The following INPP5A variants were observed in gnomAD, a reference collection of about 807,000 sequenced individuals.
The protein encoded by INPP5A is inositol polyphosphate-5-phosphatase A.
In INPP5A, 14 loss-of-function variants were observed where a neutral mutation model predicts 65.2. That is an observed-to-expected ratio of 0.21 (90% CI 0.14 to 0.34). INPP5A has a LOEUF of 0.34. Ranked by LOEUF, INPP5A falls within the 10% of genes least tolerant of loss-of-function variation. The pLI is 1.00. For synonymous variants in INPP5A, 207 were observed against 208.3 expected, an observed-to-expected ratio of 0.99 and a Z score of 0.05; for missense variants, 431 against 545.6, an observed-to-expected ratio of 0.79 and a Z score of 2.09.
chr10:132,666,915 G>A (rs1011242012), intron 4 of INPP5A, among the ~76,000 whole-genome samples: 13 of 152,206 alleles, frequency 8.5e-5, no homozygotes, highest in African/African-American at 2.7e-4. Flanking sequence ...TGTGTACTGA[G>A]TGTGCTGGGA....
At position 132,650,314 on chromosome 10, in the gene INPP5A, T is replaced by G; in HGVS notation, c.219-104T>G. 1 of 763,980 alleles carries G rather than the reference T, an allele frequency of 1.3e-6. No homozygotes were observed. The highest frequency in any genetic ancestry group is 2.3e-6 in the Non-Finnish European group (1 of 429,126). 47.3% of individuals were successfully genotyped at this position (763,980 alleles called of 1,614,324 possible). A position where few individuals can be genotyped will look rare whatever the true frequency, so the allele number is the denominator to read the frequency against. On this transcript the variant is annotated intron_variant, in intron 3 of 15. Transcript: ENST00000368594. This position sits in a 1 kb window ranked among gnomAD's most constrained non-coding sequence, Gnocchi z 5.5. ...CTGTCACGGGTGGATGGTCTCACGG[T>G]GATGTACCTATGTGCTGGAGCCCCT...
intron 2 of INPP5A, among the ~76,000 whole-genome samples, chr10:132,619,097 C>T (rs904908752): frequency 3.9e-5 from 6 of 152,222 alleles, no homozygotes; most frequent in Admixed American, 2.0e-4. Flanking sequence ...TCTTGACTCA[C>T]CTCAGAAGTC....
chr10:132,538,033 C>A lies in INPP5A; in HGVS notation c.-64C>A. On this transcript the variant is annotated 5_prime_UTR_variant, in exon 1 of 16. Transcript: ENST00000368594. This position sits in a 1 kb window ranked among gnomAD's most constrained non-coding sequence, Gnocchi z 4.1. Reference sequence around the variant, plus strand: ...CGGCCCCGCGAAGACCCCGGCCGGCCGGTCCCGGAGGAAGCGGCCGCCGCC... The same window carrying A: ...CGGCCCCGCGAAGACCCCGGCCGGCAGGTCCCGGAGGAAGCGGCCGCCGCC... 1.2e-6 allele frequency: 1 copy of A among 823,274 alleles called. No individual in the cohort carries two copies. Among genetic ancestry groups the A allele is most frequent in the Non-Finnish European group, 1.5e-6 (1 of 682,962 alleles). 51.0% of individuals were successfully genotyped at this position (823,274 alleles called of 1,614,324 possible). A position where few individuals can be genotyped will look rare whatever the true frequency, so the allele number is the denominator to read the frequency against.
At chr10:132,588,577 C>G (rs1037267226) in intron 1 of INPP5A, among the ~76,000 whole-genome samples, 1 of 152,262 alleles carries the variant, frequency 6.6e-6, no homozygotes, top group Non-Finnish European at 1.5e-5. Context: ...GAGGAATCAG[C>G]AGCACGGCCC....
At chr10:132,583,056 T>A (rs1262778816) in intron 1 of INPP5A, among the ~76,000 whole-genome samples, 1 of 152,242 alleles carries the variant, frequency 6.6e-6, no homozygotes, top group Non-Finnish European at 1.5e-5. Flanking sequence ...GTCTTCTGAT[T>A]ATGAAGATGG....
chr10:132,657,541 G>A (rs775007065), intron 4 of INPP5A, among the ~76,000 whole-genome samples: 1 of 152,226 alleles, frequency 6.6e-6, no homozygotes, highest in Non-Finnish European at 1.5e-5. Flanking sequence ...CCCAGGCAGT[G>A]GCCCTGGTGC....
intron 4 of INPP5A, among the ~76,000 whole-genome samples, chr10:132,667,499 G>A (rs148278964): frequency 2.8e-4 from 42 of 152,314 alleles, no homozygotes; most frequent in African/African-American, 8.4e-4. Context: ...CTGGCAGGGC[G>A]AGGCAGAAGT....
At chr10:132,680,937 C>T (rs916581122) in intron 4 of INPP5A, among the ~76,000 whole-genome samples, 2 of 152,232 alleles carry the variant, frequency 1.3e-5, no homozygotes, top group East Asian at 1.9e-4. Context: ...GCCTCCCACC[C>T]GCTCCGTGGG....
At chr10:132,771,653 G>A (rs56125331) in intron 12 of INPP5A, among the ~76,000 whole-genome samples, 16,916 of 88,722 alleles carry the variant, frequency 0.19, 1,241 homozygotes, top group African/African-American at 0.29. Context: ...CCCGGCAGCC[G>A]CCCCGCGAAG....
At chr10:132,559,677 A>G (rs2071175886) in intron 1 of INPP5A, among the ~76,000 whole-genome samples, 1 of 147,156 alleles carries the variant, frequency 6.8e-6, no homozygotes, top group South Asian at 2.1e-4. Flanking sequence ...TCAGTTACTC[A>G]GCACGTGTGT....
chr10:132,734,691 C>G lies in INPP5A; in HGVS notation c.732+7786C>G, dbSNP rs148106367. ...CATGGCCTTGGGCACCAGGAGTGCC[C>G]GGGGCAGTGGGTTTGCCTGGCGGCT... On this transcript the variant is annotated intron_variant, in intron 9 of 15. Transcript: ENST00000368594. 5.0e-3 allele frequency among the ~76,000 whole-genome samples: 760 copies of G among 152,356 alleles called. 6 individuals are homozygous for G. Among genetic ancestry groups the G allele is most frequent in the South Asian group, 0.02 (99 of 4,830 alleles).
intron 4 of INPP5A, among the ~76,000 whole-genome samples, chr10:132,660,833 T>C (rs1282841344): frequency 6.6e-6 from 1 of 152,206 alleles, no homozygotes; most frequent in East Asian, 1.9e-4. Context: ...TCCTCTGATA[T>C]CTACCTTTTA....
intron 2 of INPP5A, among the ~76,000 whole-genome samples, chr10:132,635,386 A>AATTTTTTTTT (rs2072331987): frequency 1.8e-5 from 1 of 54,500 alleles, no homozygotes; most frequent in African/African-American, 8.0e-5. Context: ...CTTTTTAAAG[A>AATTTTTTTTT]TTTTTTTTTT....
intron 12 of INPP5A, among the ~76,000 whole-genome samples, chr10:132,766,862 CAG>C (rs1846854854): frequency 6.9e-6 from 1 of 144,514 alleles, no homozygotes. Flanking sequence ...GGTGCGGCCT[CAG>C]GGAGCCTGGG....
Position 132,704,681 on chromosome 10 carries a change from C to G in INPP5A, c.475-3632C>G, listed in dbSNP as rs1240747909. On this transcript the variant is annotated intron_variant, in intron 6 of 15. Transcript: ENST00000368594. This position sits in a 1 kb window ranked among gnomAD's most constrained non-coding sequence, Gnocchi z 4.5. ...TGGCTGGGCCGTGGGGGGGCAGTGG[C>G]TGTTCCAGGTGGGCCGTCTCCCCGG... Among the ~76,000 whole-genome samples, 1 of 152,208 alleles carries G rather than the reference C, an allele frequency of 6.6e-6. No homozygotes were observed. The highest frequency in any genetic ancestry group is 1.9e-4 in the East Asian group (1 of 5,184).
intron 5 of INPP5A, among the ~76,000 whole-genome samples, chr10:132,695,383 A>G (rs1845329850): frequency 6.6e-6 from 1 of 152,214 alleles, no homozygotes; most frequent in African/African-American, 2.4e-5. Flanking sequence ...AAAATCCTAC[A>G]ATGAATACCA....
intron 1 of INPP5A, among the ~76,000 whole-genome samples, chr10:132,607,172 G>A (rs372780393): frequency 2.6e-5 from 4 of 152,316 alleles, no homozygotes; most frequent in East Asian, 3.9e-4. Flanking sequence ...TCAGCGGAGC[G>A]GTCAGGGTGG....
rs550169461 is a variant in INPP5A at position 132,779,232 on chromosome 10, C to T, written c.1089+1450C>T. Reference sequence around the variant, plus strand: ...CTCGGCCTGGAGCCTGGCTGTGGACCTGCCACTGCCCCTCTGGCTGGGCTC... The same window carrying T: ...CTCGGCCTGGAGCCTGGCTGTGGACTTGCCACTGCCCCTCTGGCTGGGCTC... On this transcript the variant is annotated intron_variant, in intron 13 of 15. Transcript: ENST00000368594. Among the ~76,000 whole-genome samples the T allele has an allele frequency of 1.7e-3, 264 of 152,384 alleles. 3 individuals carry two copies. The highest frequency in any genetic ancestry group is 5.7e-3 in the African/African-American group (236 of 41,600).
rs1479165679 is a variant in INPP5A at position 132,538,314 on chromosome 10, C to T, written c.75+143C>T. The T allele has an allele frequency of 1.1e-5, 4 of 355,816 alleles. No homozygotes were observed. 22.0% of individuals were successfully genotyped at this position (355,816 alleles called of 1,614,324 possible). ...ACTCTGATCCCTGTACCCGGGACCC[C>T]AGACTCCTGTCCTGATTCCCAAGTC... On this transcript the variant is annotated intron_variant, in intron 1 of 15. Coordinates refer to ENST00000368594, the MANE Select transcript of INPP5A (RefSeq NM_005539.5). This position sits in a 1 kb window ranked among gnomAD's most constrained non-coding sequence, Gnocchi z 4.1.
Sources: allele counts gnomAD v4.1 joint callset (sites outside exome capture counted in the v4.1 genomes callset), GRCh38; gene constraint gnomAD v4.1.1; non-coding constraint Gnocchi (gnomAD v3.1); transcripts MANE v1.5; gene names NCBI Gene and HGNC (gene_info 2026-07-23, HGNC 2026-07-21).